ATP9A: variants seen among roughly 807,000 people sequenced by gnomAD.
ATP9A encodes probable phospholipid-transporting ATPase IIA.
A neutral mutation model predicts 144.1 loss-of-function variants in ATP9A; 52 were observed. That is an observed-to-expected ratio of 0.36 (90% confidence interval 0.29 to 0.45). The LOEUF is 0.45. Among genes scored for constraint, ATP9A ranks in the 20% least tolerant of loss-of-function variants. The probability of loss-of-function intolerance (pLI) is 1.00; values close to 1 mark genes in which losing one functional copy is unlikely to be tolerated. For synonymous variants in ATP9A, 582 were observed against 557.4 expected (o/e 1.04, Z -0.62); for missense variants, 947 against 1,392.7 (o/e 0.68, Z 5.09).
intron 1 of ATP9A, among the ~76,000 whole-genome samples, chr20:51,740,286 G>A (rs1601138973): frequency 6.6e-6 from 1 of 151,360 alleles, no homozygotes; most frequent in East Asian, 2.0e-4. Flanking sequence ...TCAAACTCCT[G>A]GGCTCAAGCG....
chr20:51,670,033 G>A lies in ATP9A; in HGVS notation c.1257C>T (p.Asp419=), dbSNP rs760625759. 32 of 1,613,944 alleles carry A rather than the reference G, an allele frequency of 2.0e-5. No individual in the cohort carries two copies. The East Asian group carries it at 3.3e-4, about 17-fold the overall frequency. Residue 419 remains aspartate (D), a synonymous_variant, in exon 13 of 28, where the codon GAC becomes GAT. Coordinates refer to ENST00000338821, the MANE Select transcript of ATP9A (RefSeq NM_006045.3). ...TGCTGAAAATGTGGCTTTGTACTTC[G>A]TCCATTGAGTCGAGGCCGTAGGCTA... The part of the protein sequence containing the change: ...GTVAYGLDSM[D]EVQSHIFSIY...
intron 16 of ATP9A, among the ~76,000 whole-genome samples, chr20:51,628,190 G>C (rs2077257405): frequency 6.6e-6 from 1 of 152,174 alleles, no homozygotes; most frequent in South Asian, 2.1e-4. Flanking sequence ...GGCCCCTGTA[G>C]GCATTTGAGT....
intron 9 of ATP9A, among the ~76,000 whole-genome samples, chr20:51,677,257 CA>C (rs1223354735): frequency 6.6e-6 from 1 of 152,074 alleles, no homozygotes; most frequent in African/African-American, 2.4e-5. Context: ...ATGAGAACAT[CA>C]AAGGTTTTAC....
chr20:51,690,732 C>A lies in ATP9A; in HGVS notation c.723+7G>T. 1 of 1,611,136 alleles carries A rather than the reference C, an allele frequency of 6.2e-7. No homozygotes were observed. Among genetic ancestry groups the A allele is most frequent in the Non-Finnish European group, 8.5e-7 (1 of 1,177,290 alleles). On this transcript the variant is annotated splice_region_variant and intron_variant, in intron 8 of 27. Transcript: ENST00000338821. The stretch of plus-strand genomic sequence containing the variant: ...GACAGGATCCCATGTGAAGGAAGCT[C>A]ACTTACTCGGGTAAAAGTTCCCACG...
intron 14 of ATP9A, among the ~76,000 whole-genome samples, chr20:51,645,874 C>T (rs1026793318): frequency 6.6e-6 from 1 of 152,172 alleles, no homozygotes; most frequent in African/African-American, 2.4e-5. Context: ...GAAATCACCC[C>T]GTAACACACA....
At chr20:51,639,659 A>G (rs1414168715) in intron 14 of ATP9A, among the ~76,000 whole-genome samples, 155 bp from the exon 15 acceptor site, 10 of 152,188 alleles carry the variant, frequency 6.6e-5, no homozygotes, top group Admixed American at 6.5e-4. Context: ...CTGGCCCATG[A>G]CAGTGTCTGT....
In ATP9A at chr20:51,648,921, C is replaced by T. The variant is rs1380984944; in HGVS notation, c.1506+8017G>A. ...ACTGGAAGTTGCTAAGTGAAACATGCTCATTTTAATTTTCCTTTCTAAGGG... is the reference window on the plus strand; with the variant it reads ...ACTGGAAGTTGCTAAGTGAAACATGTTCATTTTAATTTTCCTTTCTAAGGG... On this transcript the variant is annotated intron_variant, in intron 14 of 27. Transcript: ENST00000338821. Among the ~76,000 whole-genome samples the T allele has an allele frequency of 3.9e-5, 6 of 152,056 alleles. No homozygotes were observed. In the South Asian group the frequency reaches 1.2e-3, roughly 32 times the overall value.
At chr20:51,640,318 A>G (rs1397869964) in intron 14 of ATP9A, among the ~76,000 whole-genome samples, 1 of 152,130 alleles carries the variant, frequency 6.6e-6, no homozygotes, top group African/African-American at 2.4e-5. Flanking sequence ...CCGCGCCAAC[A>G]TCTGGGGGAA....
At chr20:51,608,395 T>C in intron 25 of ATP9A, 123 bp downstream of exon 25, 1 of 705,540 alleles carries the variant, frequency 1.4e-6, no homozygotes, top group Admixed American at 2.4e-5. Flanking sequence ...AGTTCAAGTG[T>C]GTTCAAATCA....
At chr20:51,691,485 T>C (rs1375917793) in intron 7 of ATP9A, among the ~76,000 whole-genome samples, 2 of 152,034 alleles carry the variant, frequency 1.3e-5, no homozygotes, top group African/African-American at 2.4e-5. Context: ...GAAAAGAAAA[T>C]ACTCATTCAA....
intron 26 of ATP9A, among the ~76,000 whole-genome samples, chr20:51,605,355 A>G (rs979111736): frequency 3.9e-5 from 6 of 152,262 alleles, no homozygotes; most frequent in African/African-American, 1.4e-4. Flanking sequence ...GCGGGGGCTC[A>G]GGCCTGAAAA....
intron 9 of ATP9A, 89 bp from the exon 10 acceptor site, chr20:51,676,297 G>A: frequency 2.0e-6 from 2 of 1,025,608 alleles, no homozygotes; most frequent in Non-Finnish European, 2.8e-6. Context: ...ATCCTCTTGA[G>A]AGACTGGGTT....
chr20:51,704,300 A>G (rs2077606164), intron 4 of ATP9A, among the ~76,000 whole-genome samples: 1 of 151,950 alleles, frequency 6.6e-6, no homozygotes, highest in Admixed American at 6.6e-5. Context: ...ATGATGAAGT[A>G]GACGAACACC....
At chr20:51,637,644 G>C (rs1238619578) in intron 15 of ATP9A, among the ~76,000 whole-genome samples, 1 of 152,006 alleles carries the variant, frequency 6.6e-6, no homozygotes, top group East Asian at 1.9e-4. Context: ...GCAGGGGGCA[G>C]GGCCATGTGC....
rs755785475 is a variant in ATP9A, at chr20:51,597,206, G to C, written c.*4005C>G. The C allele has an allele frequency of 1.3e-5, 2 of 152,340 alleles. No homozygotes were observed. Among genetic ancestry groups the C allele is most frequent in the South Asian group, 4.1e-4 (2 of 4,830 alleles). The allele number at this position is 152,340 out of a possible 1,614,324, so 9.4% of individuals were successfully genotyped here. A position where few individuals can be genotyped will look rare whatever the true frequency, so the allele number is the denominator to read the frequency against. Reference sequence around the variant, plus strand: ...GCTGTGGCGGAGAAGACAGATTCACGGGTAATGCCGCTTTGGCCTGAGAAG... The same window carrying C: ...GCTGTGGCGGAGAAGACAGATTCACCGGTAATGCCGCTTTGGCCTGAGAAG... On this transcript the variant is annotated 3_prime_UTR_variant, in exon 28 of 28. Transcript: ENST00000338821.
At chr20:51,700,862 AAG>A (rs1288915707) in intron 4 of ATP9A, among the ~76,000 whole-genome samples, 1 of 152,122 alleles carries the variant, frequency 6.6e-6, no homozygotes, top group African/African-American at 2.4e-5. Context: ...GAGCGAAAGA[AAG>A]AGAGAAATGG....
rs549857234 is a variant in ATP9A at position 51,640,445 on chromosome 20, C to A, written c.1507-941G>T. On this transcript the variant is annotated intron_variant, in intron 14 of 27. Transcript: ENST00000338821. ...TACCACACCAGAGACTGATCTGGCCCCAAATGTCAATAGTGCTGAGGTGGA... is the reference window on the plus strand; with the variant it reads ...TACCACACCAGAGACTGATCTGGCCACAAATGTCAATAGTGCTGAGGTGGA... Among the ~76,000 whole-genome samples the A allele has an allele frequency of 2.0e-4, 31 of 152,278 alleles. No individual in the cohort carries two copies. In the South Asian group the frequency reaches 3.5e-3, roughly 17 times the overall value.
chr20:51,697,142 TA>T (rs1428153159), intron 5 of ATP9A, among the ~76,000 whole-genome samples: 1 of 152,284 alleles, frequency 6.6e-6, no homozygotes, highest in Admixed American at 6.5e-5. Flanking sequence ...TATCCCAAAA[TA>T]ATAAGCACAT....
chr20:51,735,068 A>G (rs1017386784), intron 1 of ATP9A: 12 of 192,418 alleles, frequency 6.2e-5, no homozygotes, highest in African/African-American at 2.8e-4. Context: ...TTCAGAGTAG[A>G]GATCTCCATC....
Sources: allele counts gnomAD v4.1 joint callset (sites outside exome capture counted in the v4.1 genomes callset), GRCh38; gene constraint gnomAD v4.1.1; transcripts MANE v1.5; gene names NCBI Gene and HGNC (gene_info 2026-07-23, HGNC 2026-07-21).